Variants in CHL1 observed in about 807,000 individuals in gnomAD.
CHL1 encodes the protein neural cell adhesion molecule L1-like protein.
Under a neutral mutation model 141.9 loss-of-function variants are expected in CHL1, and 96 were observed. That is an observed-to-expected ratio of 0.68 (90% CI 0.57 to 0.80). The LOEUF (loss-of-function observed/expected upper bound fraction) is 0.80. CHL1 is among the 30% of genes least tolerant of loss of function. The probability of loss-of-function intolerance (pLI) is 0.00; values close to 1 mark genes in which losing one functional copy is unlikely to be tolerated. For missense variants in CHL1, 1,820 were observed against 1,457.2 expected, an observed-to-expected ratio of 1.25 and a Z score of -4.05; for synonymous variants, 613 against 502.2, an observed-to-expected ratio of 1.22 and a Z score of -2.95.
intron 21 of CHL1, 52 bp downstream of exon 21, chr3:390,868 A>G: frequency 6.7e-7 from 1 of 1,489,846 alleles, no homozygotes; most frequent in Non-Finnish European, 9.4e-7. Context: ...ATCTTTCCTG[A>G]GAATAAAGAA....
chr3:257,111 A>G (rs1434658721), intron 2 of CHL1, among the ~76,000 whole-genome samples: 14 of 152,192 alleles, frequency 9.2e-5, no homozygotes. Flanking sequence ...ATATGGAGGC[A>G]TTAGCTTTGT....
In CHL1 at chr3:360,344, C is replaced by A; in HGVS notation, c.1226C>A (p.Pro409Gln). 6.2e-7 allele frequency: 1 copy of A among 1,613,688 alleles called. No individual in the cohort carries two copies. Among genetic ancestry groups the A allele is most frequent in the Non-Finnish European group, 8.5e-7 (1 of 1,179,740 alleles). ...GAAATCAGTTTTACCAACCTTCAAC[C>A]AAATCATACTGCTGTGTACCAGTGT... ...PREISFTNLQPNHTAVYQCEA... is the reference protein window; with the variant it reads ...PREISFTNLQQNHTAVYQCEA... The change falls in exon 12 of 28, where the codon CCA becomes CAA. Residue 409 changes from proline to glutamine, a missense_variant. Physicochemically the swap from Pro to Gln is moderately conservative, Grantham distance 76 (BLOSUM62 -1). Transcript: ENST00000256509.
chr3:377,738 A>T, intron 15 of CHL1, 80 bp from the exon 16 acceptor site: 4 of 951,778 alleles, frequency 4.2e-6, no homozygotes, highest in Non-Finnish European at 6.3e-6. Context: ...TCGATAAGGA[A>T]TATGCATTTT....
chr3:363,166 G>T (rs746104414), intron 13 of CHL1, 51 bp from the exon 14 acceptor site: 1 of 1,509,294 alleles, frequency 6.6e-7, no homozygotes, highest in Non-Finnish European at 9.0e-7. Context: ...ATTAAAAAGC[G>T]TATACAATTT....
intron 1 of CHL1, among the ~76,000 whole-genome samples, chr3:221,196 G>A (rs1419562125): frequency 6.6e-6 from 1 of 152,208 alleles, no homozygotes; most frequent in Non-Finnish European, 1.5e-5. Flanking sequence ...AAACCAAGCT[G>A]TAGCCCGACC....
chr3:202,533 A>G (rs1258896496), intron 1 of CHL1, among the ~76,000 whole-genome samples: 2 of 152,212 alleles, frequency 1.3e-5, no homozygotes, highest in African/African-American at 4.8e-5. Flanking sequence ...AATCAATTCA[A>G]TTACAGTCTC....
intron 1 of CHL1, among the ~76,000 whole-genome samples, chr3:207,743 C>A (rs1699563552): frequency 6.6e-6 from 1 of 152,084 alleles, no homozygotes. Flanking sequence ...TGACCTTGAC[C>A]CCATTTTCTT....
At chr3:362,326 T>C (rs933539332) in intron 13 of CHL1, among the ~76,000 whole-genome samples, 1 of 152,168 alleles carries the variant, frequency 6.6e-6, no homozygotes, top group African/African-American at 2.4e-5. Context: ...CTTGGTTAAA[T>C]AGTTCTTGAA....
chr3:258,687 G>C (rs1391750571), intron 2 of CHL1, among the ~76,000 whole-genome samples: 1 of 152,124 alleles, frequency 6.6e-6, no homozygotes, highest in Non-Finnish European at 1.5e-5. Context: ...AGCTCAGCTT[G>C]TCTGAATCAG....
rs944922576 is a variant in CHL1, at chr3:221,900, T to G, written c.-174-22713T>G. Among the ~76,000 whole-genome samples, 5 of 152,188 alleles carry G rather than the reference T, an allele frequency of 3.3e-5. No individual in the cohort carries two copies. In the South Asian group the frequency reaches 1.0e-3, roughly 32 times the overall value. ...GTGTTCAGTAAAAATATAACTACAT[T>G]TAAGACATAAGTTTGATTTTATGAC... On this transcript the variant is annotated intron_variant, in intron 1 of 27. Transcript: ENST00000256509.
chr3:319,588 A>G, intron 2 of CHL1, 95 bp from the exon 3 acceptor site: 1 of 504,158 alleles, frequency 2.0e-6, no homozygotes. Flanking sequence ...CATACTGCCA[A>G]ACCAAAAAAA....
intron 1 of CHL1, among the ~76,000 whole-genome samples, chr3:241,595 T>C (rs1047252892): frequency 2.0e-4 from 31 of 151,866 alleles, no homozygotes; most frequent in African/African-American, 6.8e-4. Context: ...TTTTTTTTTT[T>C]ACTTTGCCTC....
intron 14 of CHL1, 41 bp from the exon 15 acceptor site, chr3:365,909 T>TA: frequency 6.5e-7 from 1 of 1,542,050 alleles, no homozygotes; most frequent in Non-Finnish European, 8.9e-7. Context: ...CAAAGTAAGT[T>TA]ACGCTTAGTT....
At chr3:337,636 G>A (rs1306625007) in intron 5 of CHL1, among the ~76,000 whole-genome samples, 3 of 151,300 alleles carry the variant, frequency 2.0e-5, no homozygotes, top group Non-Finnish European at 2.9e-5. Flanking sequence ...TTGTCCTTGC[G>A]ATAATTTGCT....
chr3:294,465 AG>A (rs1288340131), intron 2 of CHL1, among the ~76,000 whole-genome samples: 2 of 152,318 alleles, frequency 1.3e-5, no homozygotes, highest in East Asian at 3.9e-4. Context: ...TGTTTAAACA[AG>A]CTCAGATTAC....
chr3:290,773 G>T (rs1475630506), intron 2 of CHL1, among the ~76,000 whole-genome samples: 2 of 151,836 alleles, frequency 1.3e-5, no homozygotes, highest in African/African-American at 4.8e-5. Flanking sequence ...CACACAAAAA[G>T]TTGTCTATTT....
At chr3:209,272 C>T (rs984040593) in intron 1 of CHL1, among the ~76,000 whole-genome samples, 5 of 152,128 alleles carry the variant, frequency 3.3e-5, no homozygotes, top group African/African-American at 1.2e-4. Context: ...GTATAAACTG[C>T]AAGTTGGAGC....
intron 10 of CHL1, 107 bp from the exon 11 acceptor site, chr3:354,533 T>G: frequency 1.6e-6 from 2 of 1,258,832 alleles, no homozygotes; most frequent in Non-Finnish European, 1.1e-6. Flanking sequence ...ATGAAACCCT[T>G]TGTGGTGTCT....
intron 2 of CHL1, among the ~76,000 whole-genome samples, chr3:251,887 G>C (rs1415371240): frequency 6.6e-6 from 1 of 151,896 alleles, no homozygotes; most frequent in African/African-American, 2.4e-5. Flanking sequence ...CATTATGGTT[G>C]GTTTCTCAAA....
Sources: allele counts gnomAD v4.1 joint callset (sites outside exome capture counted in the v4.1 genomes callset), GRCh38; gene constraint gnomAD v4.1.1; transcripts MANE v1.5; gene names NCBI Gene and HGNC (gene_info 2026-07-23, HGNC 2026-07-21).